The following SHLD1 variants were observed in gnomAD, a reference collection of about 807,000 sequenced individuals.
SHLD1 encodes the protein RINN1-REV7-interacting novel NHEJ regulator 3.
A neutral mutation model predicts 5.5 loss-of-function variants in SHLD1; 3 were observed. The ratio of observed to expected loss-of-function variants is 0.54; its 90% CI spans 0.25 to 1.40. The LOEUF (loss-of-function observed/expected upper bound fraction) is 1.40. Among genes scored for constraint, SHLD1 ranks in the 40% most tolerant of loss-of-function variants. SHLD1 has a pLI of 0.15. For missense variants in SHLD1, 210 were observed against 244.4 expected (o/e 0.86, Z 0.94); for synonymous variants, 92 against 94.3 (o/e 0.98, Z 0.14).
intron 2 of SHLD1, among the ~76,000 whole-genome samples, chr20:5,850,112 CAATAATAATAAT>C (rs113975793): frequency 0.011 from 1,394 of 130,246 alleles, 24 homozygotes; most frequent in African/African-American, 0.037. Flanking sequence ...GACCCCGTCT[CAATAATAATAAT>C]AATAATAATA....
Position 5,861,492 on chromosome 20 carries a change from A to G in SHLD1, c.179-1532A>G, listed in dbSNP as rs369137296. ...TCAGCTTTCTATAAATAAGTGTTGA[A>G]TGGATGAATGCTTGTCCATGTGTAG... On this transcript the variant is annotated intron_variant, in intron 2 of 2. Transcript: ENST00000303142. Among the ~76,000 whole-genome samples, 43 of 152,378 alleles carry G rather than the reference A, an allele frequency of 2.8e-4. No homozygotes were observed. The South Asian group carries it at 8.7e-3, about 31-fold the overall frequency.
intron 2 of SHLD1, among the ~76,000 whole-genome samples, chr20:5,796,870 T>C (rs2087220827): frequency 6.6e-6 from 1 of 150,588 alleles, no homozygotes; most frequent in African/African-American, 2.4e-5. Flanking sequence ...AGTTAAAGGA[T>C]AATTGGCTGC....
intron 1 of SHLD1, among the ~76,000 whole-genome samples, chr20:5,771,183 CATGCTTT>C: frequency 6.6e-6 from 1 of 152,274 alleles, no homozygotes; most frequent in African/African-American, 2.4e-5. Context: ...CCAGTCTTTT[CATGCTTT>C]ATGCCCTGGT....
rs1330161497 is a variant in SHLD1 at position 5,855,977 on chromosome 20, A to AGAGACT, written c.179-7047_179-7046insGAGACT. On this transcript the variant is annotated intron_variant, in intron 2 of 2. Transcript: ENST00000303142. The surrounding 1 kb of genome is among the most constrained non-coding windows in gnomAD (Gnocchi z 4.4). ...TTTTCCTCTGCTATAGTCACTAGGC[A>AGAGACT]ATGTTGAGATAGTAGCTGCTCTGTT... is the stretch of plus-strand genomic sequence containing the variant. Among the ~76,000 whole-genome samples the AGAGACT allele has an allele frequency of 1.3e-5, 2 of 152,144 alleles. No homozygotes were observed. The highest frequency in any genetic ancestry group is 2.9e-5 in the Non-Finnish European group (2 of 68,018).
At chr20:5,753,092 C>T (rs553643148) in intron 1 of SHLD1, among the ~76,000 whole-genome samples, 1 of 152,302 alleles carries the variant, frequency 6.6e-6, no homozygotes, top group Non-Finnish European at 1.5e-5. Context: ...AGCCACCGCA[C>T]CTGGCCGACA....
chr20:5,767,203 C>T (rs1430048394), intron 1 of SHLD1, among the ~76,000 whole-genome samples: 13 of 152,100 alleles, frequency 8.5e-5, no homozygotes, highest in Admixed American at 3.9e-4. Context: ...GGCACAATCT[C>T]GCATCACTGT....
chr20:5,816,126 A>G (rs893337297), intron 2 of SHLD1, among the ~76,000 whole-genome samples: 1 of 151,278 alleles, frequency 6.6e-6, no homozygotes, highest in Non-Finnish European at 1.5e-5. Flanking sequence ...AAGAAATGGC[A>G]TAAACTGGTA....
intron 2 of SHLD1, among the ~76,000 whole-genome samples, chr20:5,792,248 C>A (rs2087151484): frequency 6.6e-6 from 1 of 152,108 alleles, no homozygotes; most frequent in African/African-American, 2.4e-5. Flanking sequence ...GGTGTCATGT[C>A]TAAGAAATCA....
At chr20:5,769,458 A>G (rs1255323321) in intron 1 of SHLD1, among the ~76,000 whole-genome samples, 1 of 152,092 alleles carries the variant, frequency 6.6e-6, no homozygotes, top group Non-Finnish European at 1.5e-5. Flanking sequence ...TGGACTACGG[A>G]CCCCCCAGGG....
At chr20:5,846,117 CA>C (rs2087929841) in intron 2 of SHLD1, among the ~76,000 whole-genome samples, 1 of 152,162 alleles carries the variant, frequency 6.6e-6, no homozygotes, top group South Asian at 2.1e-4. Flanking sequence ...AGGCTTATTG[CA>C]AATGTCAACA....
intron 2 of SHLD1, among the ~76,000 whole-genome samples, chr20:5,860,245 G>A (rs541390786): frequency 7.2e-5 from 11 of 152,152 alleles, no homozygotes; most frequent in Non-Finnish European, 1.3e-4. Context: ...CATTTGTTAG[G>A]CAATTACCCA....
intron 2 of SHLD1, among the ~76,000 whole-genome samples, chr20:5,844,374 C>A (rs2087901465): frequency 6.6e-6 from 1 of 152,152 alleles, no homozygotes; most frequent in Non-Finnish European, 1.5e-5. Context: ...TTACAAAAAC[C>A]ACTGCCACCA....
chr20:5,792,646 C>A (rs1488512102), intron 2 of SHLD1, among the ~76,000 whole-genome samples: 1 of 149,218 alleles, frequency 6.7e-6, no homozygotes, highest in Non-Finnish European at 1.5e-5. Flanking sequence ...TCTCGAACTC[C>A]TGACCTCAGG....
At chr20:5,779,972 GTTTTTTTTTTTTT>G (rs11381238) in intron 2 of SHLD1, among the ~76,000 whole-genome samples, 2 of 81,768 alleles carry the variant, frequency 2.4e-5, no homozygotes, top group African/African-American at 9.7e-5. Flanking sequence ...TACAATTTCT[GTTTTTTTTTTTTT>G]TTTTTTTTTT....
At chr20:5,764,134 AAAAAAATATATATATATTTATATTTAT>A (rs1451411112) in intron 1 of SHLD1, among the ~76,000 whole-genome samples, 2 of 93,720 alleles carry the variant, frequency 2.1e-5, no homozygotes, top group East Asian at 6.6e-4. Flanking sequence ...CTCAAAAAAA[AAAAAAATATATATATATTTATATTTAT>A]ATATATATAT....
intron 1 of SHLD1, among the ~76,000 whole-genome samples, chr20:5,757,107 G>A (rs1984163235): frequency 9.2e-6 from 1 of 108,124 alleles, no homozygotes; most frequent in Non-Finnish European, 1.7e-5. Flanking sequence ...GAGTTGCTCT[G>A]TCACCCAGGC....
At chr20:5,788,977 A>G (rs558067342) in intron 2 of SHLD1, among the ~76,000 whole-genome samples, 3 of 152,176 alleles carry the variant, frequency 2.0e-5, no homozygotes, top group Non-Finnish European at 2.9e-5. Context: ...TACTAAAAAT[A>G]CAAAAAATTA....
intron 2 of SHLD1, among the ~76,000 whole-genome samples, chr20:5,831,923 C>G (rs147541421): frequency 4.6e-5 from 7 of 152,006 alleles, no homozygotes; most frequent in Admixed American, 4.6e-4. Flanking sequence ...CTTTCATGCT[C>G]TCTGCCCCGT....
intron 1 of SHLD1, among the ~76,000 whole-genome samples, chr20:5,757,071 C>CTTTTTTTTTTTTTTTTTTTTT (rs753877287): frequency 3.2e-5 from 4 of 123,226 alleles, no homozygotes; most frequent in East Asian, 2.3e-4. Context: ...TTCTTTCTTT[C>CTTTTTTTTTTTTTTTTTTTTT]TTTTTTTTTT....
Sources: gnomAD v4.1 joint callset for allele counts (sites outside exome capture counted in the v4.1 genomes callset) on GRCh38, gnomAD v4.1.1 for gene constraint, Gnocchi (gnomAD v3.1) non-coding constraint, MANE v1.5 for transcripts, NCBI Gene and HGNC (gene_info 2026-07-23, HGNC 2026-07-21) for gene names.